NPAS2: variants seen among roughly 807,000 people sequenced by gnomAD.
NPAS2 encodes neuronal PAS domain protein 2, also known as neuronal PAS domain-containing protein 2.
NPAS2 carries 23 observed loss-of-function variants against 107.5 expected under a neutral mutation model. The observed-to-expected ratio is 0.21, with a 90% CI of 0.15 to 0.30. The LOEUF (loss-of-function observed/expected upper bound fraction) is 0.30. Ranked by LOEUF, NPAS2 falls within the 10% of genes least tolerant of loss-of-function variation. The pLI, the probability that NPAS2 is intolerant of heterozygous loss-of-function variation, is 1.00. For missense variants in NPAS2, 756 were observed against 1,043.3 expected (o/e 0.72, Z 3.79); for synonymous variants, 403 against 417.5 (o/e 0.97, Z 0.42).
At chr2:100,842,346 G>A (rs116015284) in intron 1 of NPAS2, among the ~76,000 whole-genome samples, 1,882 of 152,206 alleles carry the variant, frequency 0.012, 38 homozygotes, top group African/African-American at 0.042. Flanking sequence ...TTCTACTTGG[G>A]GAGGGAGGCA....
intron 3 of NPAS2, among the ~76,000 whole-genome samples, chr2:100,932,115 A>T (rs1248033580): frequency 6.6e-6 from 1 of 152,242 alleles, no homozygotes; most frequent in Non-Finnish European, 1.5e-5. Context: ...TTGGCTTAAG[A>T]TGGAGGATAA....
At chr2:100,898,412 C>T (rs1286013231) in intron 1 of NPAS2, among the ~76,000 whole-genome samples, 3 of 152,086 alleles carry the variant, frequency 2.0e-5, no homozygotes, top group Admixed American at 6.5e-5. Flanking sequence ...GGCTGTGCAA[C>T]GACTTAGAAT....
At chr2:100,933,030 C>T (rs376710120) in intron 4 of NPAS2, 29 bp downstream of exon 4, 6 of 1,505,572 alleles carry the variant, frequency 4.0e-6, no homozygotes, top group Non-Finnish European at 5.5e-6. Flanking sequence ...ATAGCTTAAA[C>T]AGTTGCCAGT....
chr2:100,959,822 C>T lies in NPAS2; in HGVS notation c.599-4236C>T, dbSNP rs529105989. Reference sequence around the variant, plus strand: ...GCCATTGCAACTAATTTATCATAAGCAGGTCGTCTCTGATGAGAATACTTA... The same window carrying T: ...GCCATTGCAACTAATTTATCATAAGTAGGTCGTCTCTGATGAGAATACTTA... On this transcript the variant is annotated intron_variant, in intron 7 of 20. Coordinates refer to ENST00000335681, the MANE Select transcript of NPAS2 (RefSeq NM_002518.4). Among the ~76,000 whole-genome samples, 6 of 152,326 alleles carry T rather than the reference C, an allele frequency of 3.9e-5. No individual in the cohort carries two copies. The South Asian group carries it at 1.2e-3, about 32-fold the overall frequency.
chr2:100,903,485 G>A (rs944505669), intron 1 of NPAS2, among the ~76,000 whole-genome samples: 13 of 152,210 alleles, frequency 8.5e-5, no homozygotes, highest in Admixed American at 2.0e-4. Context: ...CCATGTTTGT[G>A]TACGTAGGTG....
intron 1 of NPAS2, among the ~76,000 whole-genome samples, chr2:100,899,376 A>C (rs1681630333): frequency 6.6e-6 from 1 of 151,988 alleles, no homozygotes; most frequent in Non-Finnish European, 1.5e-5. Flanking sequence ...GGTGTGTACC[A>C]TCACATGGGC....
At chr2:100,858,354 C>G (rs1476184303) in intron 1 of NPAS2, among the ~76,000 whole-genome samples, 1 of 152,190 alleles carries the variant, frequency 6.6e-6, no homozygotes, top group African/African-American at 2.4e-5. Context: ...CTTGTCTCTC[C>G]CTTTGTCATC....
intron 1 of NPAS2, among the ~76,000 whole-genome samples, chr2:100,865,240 C>G (rs1679179989): frequency 6.6e-6 from 1 of 152,098 alleles, no homozygotes; most frequent in Non-Finnish European, 1.5e-5. Context: ...ACATAAGAAC[C>G]CTGAACTCAA....
At chr2:100,877,831 G>T (rs1680081434) in intron 1 of NPAS2, 2 of 420,390 alleles carry the variant, frequency 4.8e-6, no homozygotes, top group East Asian at 1.6e-4. Flanking sequence ...TTCAGCCGGT[G>T]CATCCTTTTT....
At chr2:100,947,111 A>T (rs1003398797) in intron 5 of NPAS2, among the ~76,000 whole-genome samples, 1 of 152,120 alleles carries the variant, frequency 6.6e-6, no homozygotes, top group African/African-American at 2.4e-5. Context: ...GTGTATACAG[A>T]TTGTGTTTGA....
At position 100,970,984 on chromosome 2, in the gene NPAS2, G is replaced by A. The variant is rs1161026652; in HGVS notation, c.1056-6G>A. ...CTCCACTGTGGTCTCTTAATTTCCT[G>A]TACAGTTACGCAGATGTCCGGGTGG... On this transcript the variant is annotated splice_region_variant and splice_polypyrimidine_tract_variant and intron_variant, in intron 11 of 20. Transcript: ENST00000335681. The A allele has an allele frequency of 9.9e-6, 16 of 1,613,824 alleles. No individual in the cohort carries two copies. The highest frequency in any genetic ancestry group is 1.4e-5 in the Non-Finnish European group (16 of 1,179,812).
intron 3 of NPAS2, among the ~76,000 whole-genome samples, chr2:100,928,245 C>G (rs55747747): frequency 6.6e-6 from 1 of 151,812 alleles, no homozygotes; most frequent in East Asian, 1.9e-4. Context: ...AGGATTGGAA[C>G]GAAGTGTTAC....
intron 1 of NPAS2, among the ~76,000 whole-genome samples, chr2:100,842,081 G>GCGCGCACGCACACACACACACACACA: frequency 3.4e-5 from 5 of 148,798 alleles, no homozygotes; most frequent in African/African-American, 9.9e-5. Context: ...GCATGTACGC[G>GCGCGCACGCACACACACACACACACA]CACACACACA....
At chr2:100,888,056 G>A (rs1311439900) in intron 1 of NPAS2, among the ~76,000 whole-genome samples, 2 of 152,154 alleles carry the variant, frequency 1.3e-5, no homozygotes, top group Non-Finnish European at 1.5e-5. Flanking sequence ...CAGAGTTAGG[G>A]CCCAGCACCC....
chr2:100,925,408 A>G (rs1458338481), intron 3 of NPAS2, 114 bp downstream of exon 3: 9 of 1,157,774 alleles, frequency 7.8e-6, no homozygotes, highest in Admixed American at 2.2e-5. Context: ...GCCCAGCCTT[A>G]CCGGTCGAGG....
intron 3 of NPAS2, among the ~76,000 whole-genome samples, chr2:100,926,075 G>A (rs1417013594): frequency 6.6e-6 from 1 of 152,044 alleles, no homozygotes; most frequent in African/African-American, 2.4e-5. Flanking sequence ...CTTTCACGTA[G>A]CATCTGTGTT....
At chr2:100,980,746 C>G (rs1212472568) in intron 15 of NPAS2, among the ~76,000 whole-genome samples, 1 of 152,198 alleles carries the variant, frequency 6.6e-6, no homozygotes. Context: ...GCTGGGATTA[C>G]AGGCATGAGT....
chr2:100,979,162 C>T (rs1401733359), intron 15 of NPAS2, among the ~76,000 whole-genome samples: 1 of 152,026 alleles, frequency 6.6e-6, no homozygotes, highest in Non-Finnish European at 1.5e-5. Context: ...CAGAGTCAGG[C>T]TTGAAGATTG....
intron 1 of NPAS2, among the ~76,000 whole-genome samples, chr2:100,850,369 G>A (rs1192412554): frequency 2.0e-5 from 3 of 152,134 alleles, no homozygotes; most frequent in African/African-American, 7.2e-5. Flanking sequence ...TCCAAAGGTT[G>A]GGATCCTTTC....
Sources: gnomAD v4.1 joint callset for allele counts (sites outside exome capture counted in the v4.1 genomes callset) on GRCh38, gnomAD v4.1.1 for gene constraint, MANE v1.5 for transcripts, NCBI Gene and HGNC (gene_info 2026-07-23, HGNC 2026-07-21) for gene names.